EXTL3: variants seen among roughly 807,000 people sequenced by gnomAD.
EXTL3 encodes exostosin like glycosyltransferase 3.
In EXTL3, 27 loss-of-function variants were observed where a neutral mutation model predicts 69.3. The ratio of observed to expected loss-of-function variants is 0.39; its 90% CI spans 0.29 to 0.54. EXTL3 has a LOEUF of 0.54. Among genes scored for constraint, EXTL3 ranks in the 20% least tolerant of loss-of-function variants. EXTL3 has a pLI of 0.69. For missense variants in EXTL3, 1,003 were observed against 1,231.8 expected (o/e 0.81, Z 2.78); for synonymous variants, 511 against 499.4 (o/e 1.02, Z -0.31).
chr8:28,657,179 G>C (rs2130614282), intron 1 of EXTL3, among the ~76,000 whole-genome samples: 1 of 152,244 alleles, frequency 6.6e-6, no homozygotes, highest in South Asian at 2.1e-4. Context: ...CTGACCTCAG[G>C]TGATCCACCT....
At chr8:28,711,459 T>C (rs539512193) in intron 1 of EXTL3, among the ~76,000 whole-genome samples, 25 of 152,184 alleles carry the variant, frequency 1.6e-4, no homozygotes, top group Non-Finnish European at 3.2e-4. Flanking sequence ...ATGTTCCCAT[T>C]TTTTTTTCTT....
At chr8:28,710,199 T>A (rs186750781) in intron 1 of EXTL3, among the ~76,000 whole-genome samples, 2 of 152,286 alleles carry the variant, frequency 1.3e-5, no homozygotes, top group African/African-American at 4.8e-5. Context: ...GAGGTGTAGA[T>A]GTCTGTGTTG....
chr8:28,646,125 G>A (rs943817120), intron 1 of EXTL3, among the ~76,000 whole-genome samples: 1 of 152,298 alleles, frequency 6.6e-6, no homozygotes, highest in Non-Finnish European at 1.5e-5. Context: ...GCTTCCCAAA[G>A]TGTTGGGATT....
At chr8:28,621,836 G>A (rs939130822), upstream of EXTL3, among the ~76,000 whole-genome samples, 4 of 152,144 alleles carry the variant, frequency 2.6e-5, no homozygotes, top group African/African-American at 9.7e-5. Flanking sequence ...TGAAATCACT[G>A]GCCACGTGCT....
chr8:28,712,534 G>A (rs992664994), intron 1 of EXTL3, among the ~76,000 whole-genome samples: 3 of 152,184 alleles, frequency 2.0e-5, no homozygotes, highest in Admixed American at 2.0e-4. Flanking sequence ...AATCTGAAGG[G>A]CTCCTTATCA....
intron 1 of EXTL3, among the ~76,000 whole-genome samples, chr8:28,661,203 G>T (rs2130622424): frequency 6.6e-6 from 1 of 151,858 alleles, no homozygotes; most frequent in Admixed American, 6.6e-5. Context: ...GTGATTGTTT[G>T]TTTCTATTGT....
intron 3 of EXTL3, among the ~76,000 whole-genome samples, chr8:28,720,382 C>T (rs1249691771): frequency 1.3e-5 from 2 of 152,122 alleles, no homozygotes; most frequent in African/African-American, 4.8e-5. Context: ...TCAGAAAGTG[C>T]TGGGCAATAC....
chr8:28,743,517 T>C (rs1052051734), intron 6 of EXTL3, among the ~76,000 whole-genome samples: 2 of 152,226 alleles, frequency 1.3e-5, no homozygotes, highest in Admixed American at 6.5e-5. Flanking sequence ...TGAAACAGGC[T>C]ATAATTCATA....
chr8:28,622,233 T>C (rs1806419022), upstream of EXTL3, among the ~76,000 whole-genome samples: 1 of 152,254 alleles, frequency 6.6e-6, no homozygotes, highest in African/African-American at 2.4e-5. Context: ...CGTTTCCTTA[T>C]GTCGCTAAGC....
intron 6 of EXTL3, 60 bp downstream of exon 6, chr8:28,743,274 A>C (rs1801817225): frequency 2.5e-6 from 4 of 1,600,064 alleles, no homozygotes; most frequent in Non-Finnish European, 3.4e-6. Flanking sequence ...CTTGTTTTGC[A>C]GTAGTGCAGC....
chr8:28,698,669 T>C (rs977308721), upstream of EXTL3, among the ~76,000 whole-genome samples: 1 of 151,910 alleles, frequency 6.6e-6, no homozygotes, highest in Non-Finnish European at 1.5e-5. Flanking sequence ...TCAACATGGT[T>C]GAAACCCCGT....
Position 28,683,153 on chromosome 8 carries a change from A to G in EXTL3, c.-52-30304A>G, listed in dbSNP as rs1336273264. On this transcript the variant is annotated intron_variant, in intron 1 of 6. Coordinates refer to the EXTL3 transcript ENST00000523149. ...TTCATAGCAGTACCATGCTATTTTGATTGCTGTAGCTTTGCAGTATATTTT... is the reference window on the plus strand; with the variant it reads ...TTCATAGCAGTACCATGCTATTTTGGTTGCTGTAGCTTTGCAGTATATTTT... Among the ~76,000 whole-genome samples, 3 of 151,996 alleles carry G rather than the reference A, an allele frequency of 2.0e-5. No individual in the cohort carries two copies. In the East Asian group the frequency reaches 5.8e-4, roughly 29 times the overall value.
At chr8:28,707,266 T>C (rs1800943453) in intron 1 of EXTL3, among the ~76,000 whole-genome samples, 1 of 152,246 alleles carries the variant, frequency 6.6e-6, no homozygotes, top group Non-Finnish European at 1.5e-5. Flanking sequence ...CTGTAGGTCA[T>C]ACGGACCTGG....
At chr8:28,697,627 G>C (rs1800703793), upstream of EXTL3, 1 of 152,150 alleles carries the variant, frequency 6.6e-6, no homozygotes, top group African/African-American at 2.4e-5. Context: ...CTGACCTCAG[G>C]AGTTCAAGAT....
rs1399757636 is a variant in EXTL3, at chr8:28,754,839, G to A, written c.*3973G>A. The A allele has an allele frequency of 6.6e-6, 1 of 152,242 alleles. No individual in the cohort carries two copies. 9.4% of individuals were successfully genotyped at this position (152,242 alleles called of 1,614,324 possible). ...TCAGCATTTGGTGAGGCAGAAGTGG[G>A]AGGATCACATGAGGCCAGTTCAAGA... On this transcript the variant is annotated 3_prime_UTR_variant, in exon 7 of 7. Coordinates refer to ENST00000220562, the MANE Select transcript of EXTL3 (RefSeq NM_001440.4).
intron 1 of EXTL3, among the ~76,000 whole-genome samples, chr8:28,695,511 A>G (rs1585255406): frequency 6.6e-6 from 1 of 152,114 alleles, no homozygotes; most frequent in African/African-American, 2.4e-5. Context: ...AGGCTTCTCC[A>G]TCTCTGGTGG....
chr8:28,749,653 TC>T (rs1801963607), intron 6 of EXTL3, among the ~76,000 whole-genome samples: 1 of 151,698 alleles, frequency 6.6e-6, no homozygotes, highest in African/African-American at 2.4e-5. Context: ...ATTCATTCAT[TC>T]ATTCATTCAT....
intron 1 of EXTL3, among the ~76,000 whole-genome samples, chr8:28,687,629 G>T (rs534210415): frequency 6.6e-6 from 1 of 152,158 alleles, no homozygotes; most frequent in South Asian, 2.1e-4. Context: ...CAGAAGGAAG[G>T]TCTGGGCTAA....
rs140854838 is a variant in EXTL3, at chr8:28,663,256, A to T, written c.-53+40446A>T. On this transcript the variant is annotated intron_variant, in intron 1 of 6. Transcript: ENST00000523149. ...GGAAACATGCCATGGTAAGATTAGG[A>T]TGGGTAAGGGGTGTCCTCTTCTTTT... is the stretch of plus-strand genomic sequence containing the variant. Among the ~76,000 whole-genome samples the T allele has an allele frequency of 2.6e-5, 4 of 152,232 alleles. No individual in the cohort carries two copies. The East Asian group carries it at 5.8e-4, about 22-fold the overall frequency.
Sources: gnomAD v4.1 joint callset for allele counts (sites outside exome capture counted in the v4.1 genomes callset) on GRCh38, gnomAD v4.1.1 for gene constraint, MANE v1.5 for transcripts, NCBI Gene and HGNC (gene_info 2026-07-23, HGNC 2026-07-21) for gene names.